The following USP28 variants were observed in gnomAD, a reference collection of about 807,000 sequenced individuals.
USP28 encodes ubiquitin carboxyl-terminal hydrolase 28.
In USP28, 113 loss-of-function variants were observed where a neutral mutation model predicts 145.0. The ratio of observed to expected loss-of-function variants is 0.78; its 90% CI spans 0.67 to 0.91. USP28 has a LOEUF of 0.91. Among genes scored for constraint, USP28 ranks in the 40% least tolerant of loss-of-function variants. The pLI is 0.00. For missense variants in USP28, 1,201 were observed against 1,289.6 expected, an observed-to-expected ratio of 0.93 and a Z score of 1.05; for synonymous variants, 447 against 450.9, an observed-to-expected ratio of 0.99 and a Z score of 0.11.
chr11:113,871,102 AG>A (rs769457717), intron 1 of USP28, among the ~76,000 whole-genome samples: 2 of 152,218 alleles, frequency 1.3e-5, no homozygotes, highest in Non-Finnish European at 2.9e-5. Flanking sequence ...GCTGATTGGC[AG>A]TGTATGCTTG....
chr11:113,863,351 G>A (rs1368456414), intron 1 of USP28, among the ~76,000 whole-genome samples: 2 of 152,092 alleles, frequency 1.3e-5, no homozygotes, highest in Non-Finnish European at 2.9e-5. Context: ...CGGGCGCAGT[G>A]GGTCACTGCT....
intron 1 of USP28, chr11:113,874,530 T>C (rs1949178872): frequency 4.7e-6 from 6 of 1,288,900 alleles, no homozygotes; most frequent in Non-Finnish European, 6.1e-6. Context: ...AGGGTATCTG[T>C]CTGCCAGCTT....
intron 1 of USP28, among the ~76,000 whole-genome samples, chr11:113,864,014 G>A (rs893452371): frequency 6.6e-6 from 1 of 151,846 alleles, no homozygotes; most frequent in African/African-American, 2.4e-5. Context: ...TGAGGCGGAT[G>A]GATCACCTGA....
At chr11:113,811,429 T>G (rs143319219) in intron 16 of USP28, among the ~76,000 whole-genome samples, 68 of 152,342 alleles carry the variant, frequency 4.5e-4, no homozygotes, top group African/African-American at 1.6e-3. Flanking sequence ...GCCCCACAAC[T>G]GTAATCCCAG....
chr11:113,848,694 G>C (rs1006375384), intron 3 of USP28, among the ~76,000 whole-genome samples: 2 of 152,196 alleles, frequency 1.3e-5, no homozygotes, highest in Admixed American at 6.5e-5. Context: ...GTATTATGGG[G>C]ATGGATACTG....
rs1252801388 is a variant in USP28, at chr11:113,807,095, CAG to C, written c.2305-513_2305-512del. Among the ~76,000 whole-genome samples the C allele has an allele frequency of 5.3e-5, 8 of 150,348 alleles. No individual in the cohort carries two copies. The East Asian group carries it at 1.4e-3, about 26-fold the overall frequency. On this transcript the variant is annotated intron_variant, in intron 18 of 24. Coordinates refer to ENST00000003302, the Ensembl canonical transcript of USP28. ...AAGGACTTTTTTTTTTTTTGGGAGA[CAG>C]AGTCTCGCTCTGTCGCCCAGGCTGG...
At chr11:113,848,589 G>C (rs570479269) in intron 3 of USP28, among the ~76,000 whole-genome samples, 9 of 152,332 alleles carry the variant, frequency 5.9e-5, no homozygotes, top group African/African-American at 2.2e-4. Context: ...ACTTAGGAAA[G>C]TAAGTGTTGA....
rs761906282 is a variant in USP28, at chr11:113,834,342, TAAAG to T, written c.535-11_535-8del. 3.1e-6 allele frequency: 5 copies of T among 1,597,668 alleles called. No homozygotes were observed. The highest frequency in any genetic ancestry group is 1.1e-5 in the South Asian group (1 of 88,940). On this transcript the variant is annotated splice_polypyrimidine_tract_variant and splice_region_variant and intron_variant, in intron 5 of 24. Coordinates refer to ENST00000003302, the Ensembl canonical transcript of USP28. ...CAGGCAATTGAAAGAGAGACTGAAA[TAAAG>T]AAAGAAAGGGATTCATAGCCTTTCC...
At chr11:113,798,651 AGAAAG>A (rs1316025345) in exon 25 of USP28, 1 of 152,658 alleles carries the variant, frequency 6.6e-6, no homozygotes, top group African/African-American at 2.4e-5. Flanking sequence ...AAGATAGAAA[AGAAAG>A]GAGAGAGACA....
rs1398473729 is a variant in USP28 at position 113,852,427 on chromosome 11, G to A, written c.268+74C>T. 8 of 1,572,638 alleles carry A rather than the reference G, an allele frequency of 5.1e-6. No homozygotes were observed. The East Asian group carries it at 1.6e-4, about 31-fold the overall frequency. On this transcript the variant is annotated intron_variant, in intron 3 of 24. Coordinates refer to ENST00000003302, the Ensembl canonical transcript of USP28. ...TTCAAAGGGCTGATGTGATTGACAG[G>A]GAACTCACATATACTTGGTTTGTTA...
rs575847147 is a variant in USP28 at position 113,831,677 on chromosome 11, G to GTT, written c.833+241_833+242dup. On this transcript the variant is annotated intron_variant, in intron 8 of 24. Transcript: ENST00000003302. The stretch of plus-strand genomic sequence containing the variant: ...AGCACATGCTGAGTTTATTAACAAA[G>GTT]TTAACAGTTACAGTCCTTTAGTTAG... Among the ~76,000 whole-genome samples the GTT allele has an allele frequency of 7.3e-4, 111 of 151,628 alleles. 3 individuals carry two copies. The South Asian group carries it at 0.023, about 31-fold the overall frequency.
intron 1 of USP28, among the ~76,000 whole-genome samples, chr11:113,868,804 T>A (rs958507230): frequency 6.6e-6 from 1 of 151,310 alleles, no homozygotes; most frequent in African/African-American, 2.4e-5. Context: ...ATGTCTGTAG[T>A]TCCAGCTACT....
chr11:113,859,974 C>A (rs182928811), intron 1 of USP28, among the ~76,000 whole-genome samples: 4 of 152,296 alleles, frequency 2.6e-5, no homozygotes, highest in African/African-American at 7.2e-5. Context: ...GGTTTTGGTG[C>A]AATCTAGCCC....
intron 15 of USP28, 149 bp from the exon 16 acceptor site, chr11:113,812,653 C>A (rs1941183490): frequency 1.4e-6 from 1 of 736,004 alleles, no homozygotes; most frequent in Admixed American, 2.8e-5. Context: ...CACAAAAACA[C>A]AGCCTTGGAA....
intron 13 of USP28, 79 bp downstream of exon 13, chr11:113,817,579 T>C: frequency 6.7e-7 from 1 of 1,489,518 alleles, no homozygotes; most frequent in Non-Finnish European, 9.1e-7. Flanking sequence ...TGACTGTCAA[T>C]CAAGTACAAA....
intron 1 of USP28, among the ~76,000 whole-genome samples, chr11:113,869,132 A>G (rs1948573153): frequency 6.6e-6 from 1 of 152,020 alleles, no homozygotes; most frequent in African/African-American, 2.4e-5. Flanking sequence ...TGCTAAAAAA[A>G]CTTTTAAAAT....
In USP28 at chr11:113,804,861, T is replaced by C. The variant is rs1939666309; in HGVS notation, c.2579+7A>G. On this transcript the variant is annotated splice_region_variant and intron_variant, in intron 20 of 24. Transcript: ENST00000003302. ...CCAAGGGATTCACCTGAATATTCTC[T>C]TCTCACCTTTCATCATAGCTAAGAT... 6.2e-7 allele frequency: 1 copy of C among 1,612,292 alleles called. No individual in the cohort carries two copies. Among genetic ancestry groups the C allele is most frequent in the African/African-American group, 1.4e-5 (1 of 73,482 alleles).
chr11:113,865,371 G>T (rs947811337), intron 1 of USP28, among the ~76,000 whole-genome samples: 4 of 152,096 alleles, frequency 2.6e-5, no homozygotes, highest in Non-Finnish European at 5.9e-5. Context: ...AATTTCAAAG[G>T]ACCTGGAAGA....
intron 1 of USP28, among the ~76,000 whole-genome samples, chr11:113,874,243 G>A (rs1250160761): frequency 6.6e-6 from 1 of 151,590 alleles, no homozygotes; most frequent in Non-Finnish European, 1.5e-5. Flanking sequence ...CCTTAAGTCG[G>A]GAGTTTGAGA....
Sources: gnomAD v4.1 joint callset for allele counts (sites outside exome capture counted in the v4.1 genomes callset) on GRCh38, gnomAD v4.1.1 for gene constraint, MANE v1.5 for transcripts, NCBI Gene and HGNC (gene_info 2026-07-23, HGNC 2026-07-21) for gene names.